The following ATRNL1 variants were observed in gnomAD, a reference collection of about 807,000 sequenced individuals.
ATRNL1 encodes the protein attractin-like protein 1.
Under a neutral mutation model 182.7 loss-of-function variants are expected in ATRNL1, and 95 were observed. That is an observed-to-expected ratio of 0.52 (90% CI 0.44 to 0.62). The LOEUF is 0.62. ATRNL1 is among the 20% of genes least tolerant of loss of function. The pLI is 0.00. For missense variants in ATRNL1, 1,471 were observed against 1,679.5 expected (o/e 0.88, Z 2.17); for synonymous variants, 576 against 568.3 (o/e 1.01, Z -0.19).
At chr10:115,847,511 T>A (rs1950957122) in intron 27 of ATRNL1, among the ~76,000 whole-genome samples, 1 of 152,124 alleles carries the variant, frequency 6.6e-6, no homozygotes, top group African/African-American at 2.4e-5. Flanking sequence ...GTACACCCTA[T>A]AGACAGTAAA....
intron 27 of ATRNL1, among the ~76,000 whole-genome samples, chr10:115,734,664 T>G (rs12267719): frequency 0.24 from 36,568 of 151,924 alleles, 4,471 homozygotes; most frequent in South Asian, 0.3. Context: ...GTAAATTACC[T>G]GCTATAAATG....
At chr10:115,667,666 C>A (rs1555040107) in intron 26 of ATRNL1, among the ~76,000 whole-genome samples, 1 of 136,306 alleles carries the variant, frequency 7.3e-6, no homozygotes. Context: ...TTTTTTTTTC[C>A]TCCTTTGAGA....
At chr10:115,301,328 G>C (rs1039659990) in intron 16 of ATRNL1, among the ~76,000 whole-genome samples, 1 of 152,036 alleles carries the variant, frequency 6.6e-6, no homozygotes, top group African/African-American at 2.4e-5. Flanking sequence ...AGTGCACAAA[G>C]GTTTCAATTT....
At chr10:115,530,674 A>G (rs1851516851) in intron 25 of ATRNL1, among the ~76,000 whole-genome samples, 2 of 151,836 alleles carry the variant, frequency 1.3e-5, no homozygotes, top group Admixed American at 1.3e-4. Flanking sequence ...CACGTGCACA[A>G]TGTGCAGGTT....
At chr10:115,532,457 A>G (rs1238194333) in intron 25 of ATRNL1, among the ~76,000 whole-genome samples, 1 of 152,084 alleles carries the variant, frequency 6.6e-6, no homozygotes, top group African/African-American at 2.4e-5. Context: ...AATGCTTGTG[A>G]TTTTTGTACA....
At chr10:115,374,997 G>C (rs1554949126) in intron 19 of ATRNL1, among the ~76,000 whole-genome samples, 2 of 151,594 alleles carry the variant, frequency 1.3e-5, no homozygotes, top group Admixed American at 1.3e-4. Context: ...TTGATATAAA[G>C]TGTAGGTCAA....
At chr10:115,634,956 C>CA (rs535015639) in intron 26 of ATRNL1, among the ~76,000 whole-genome samples, 14 of 150,694 alleles carry the variant, frequency 9.3e-5, no homozygotes, top group South Asian at 4.2e-4. Flanking sequence ...AAAAAAATTA[C>CA]AAAAAAAAAT....
chr10:115,829,510 C>T (rs370723463), intron 27 of ATRNL1, among the ~76,000 whole-genome samples: 1 of 138,576 alleles, frequency 7.2e-6, no homozygotes, highest in Non-Finnish European at 1.6e-5. Flanking sequence ...TTTTCTTTTT[C>T]AAAAAAAAAA....
intron 10 of ATRNL1, among the ~76,000 whole-genome samples, chr10:115,242,264 A>G (rs1850454353): frequency 6.6e-6 from 1 of 152,016 alleles, no homozygotes; most frequent in South Asian, 2.1e-4. Context: ...CTGGGAAACA[A>G]CTATATAAGC....
At chr10:115,265,130 A>T in intron 10 of ATRNL1, 63 bp from the exon 11 acceptor site, 1 of 1,084,684 alleles carries the variant, frequency 9.2e-7, no homozygotes, top group Non-Finnish European at 1.4e-6. Context: ...TGATGTTTTC[A>T]TATTATTTGT....
At chr10:115,179,476 G>C (rs912571303) in intron 8 of ATRNL1, among the ~76,000 whole-genome samples, 2 of 152,106 alleles carry the variant, frequency 1.3e-5, no homozygotes, top group African/African-American at 2.4e-5. Context: ...CCAAGGGGTG[G>C]TAAAGTCTTC....
intron 18 of ATRNL1, among the ~76,000 whole-genome samples, chr10:115,324,688 A>G (rs1854778112): frequency 6.6e-6 from 1 of 152,044 alleles, no homozygotes; most frequent in Admixed American, 6.6e-5. Context: ...CTTTTTGTAG[A>G]GCTTGTGATG....
chr10:115,862,935 G>A (rs1951348706), intron 28 of ATRNL1, among the ~76,000 whole-genome samples: 1 of 152,152 alleles, frequency 6.6e-6, no homozygotes, highest in South Asian at 2.1e-4. Context: ...AGTGAGAAAA[G>A]TAAAGTGCAT....
At chr10:115,179,868 TG>T (rs1847680259) in intron 8 of ATRNL1, among the ~76,000 whole-genome samples, 1 of 152,154 alleles carries the variant, frequency 6.6e-6, no homozygotes, top group Non-Finnish European at 1.5e-5. Flanking sequence ...TCTCTTAATG[TG>T]AAAGATTAAT....
At chr10:115,744,375 G>A (rs1305475593) in intron 27 of ATRNL1, among the ~76,000 whole-genome samples, 3 of 151,960 alleles carry the variant, frequency 2.0e-5, no homozygotes, top group Non-Finnish European at 4.4e-5. Context: ...GAATATCTTA[G>A]AATCTGCTGT....
intron 26 of ATRNL1, among the ~76,000 whole-genome samples, chr10:115,631,393 T>A (rs73377514): frequency 0.045 from 6,784 of 152,092 alleles, 464 homozygotes; most frequent in African/African-American, 0.15. Context: ...CAAATGGTAG[T>A]TAAAAAGAGC....
At chr10:115,186,186 C>T (rs1341140582) in intron 8 of ATRNL1, among the ~76,000 whole-genome samples, 1 of 151,868 alleles carries the variant, frequency 6.6e-6, no homozygotes, top group Non-Finnish European at 1.5e-5. Flanking sequence ...AGACATTTCT[C>T]AAAGAAGACA....
At position 115,317,347 on chromosome 10, in the gene ATRNL1, T is replaced by C. The variant is rs183193637; in HGVS notation, c.3037+1611T>C. 2.7e-3 allele frequency among the ~76,000 whole-genome samples: 414 copies of C among 152,326 alleles called. 3 individuals carry two copies. Among genetic ancestry groups the C allele is most frequent in the African/African-American group, 9.5e-3 (395 of 41,572 alleles). On this transcript the variant is annotated intron_variant, in intron 18 of 28. Transcript: ENST00000355044. ...GCATGATGTCTCCAGCTTTGTTCTT[T>C]TTGCTTAGGATCGTCTTGGCTATAT...
At chr10:115,168,143 T>C (rs1847129796) in intron 7 of ATRNL1, among the ~76,000 whole-genome samples, 2 of 152,174 alleles carry the variant, frequency 1.3e-5, no homozygotes, top group African/African-American at 2.4e-5. Context: ...ATCCATGTTT[T>C]AGAATGTATC....
Sources: gnomAD v4.1 joint callset for allele counts (sites outside exome capture counted in the v4.1 genomes callset) on GRCh38, gnomAD v4.1.1 for gene constraint, MANE v1.5 for transcripts, NCBI Gene and HGNC (gene_info 2026-07-23, HGNC 2026-07-21) for gene names.